The following DNAH5 variants were observed in gnomAD, a reference collection of about 807,000 sequenced individuals.
The protein encoded by DNAH5 is dynein axonemal heavy chain 5.
A neutral mutation model predicts 518.2 loss-of-function variants in DNAH5; 372 were observed. The observed-to-expected ratio is 0.72, with a 90% CI of 0.66 to 0.78. The LOEUF is 0.78. Ranked by LOEUF, DNAH5 falls within the 30% of genes least tolerant of loss-of-function variation. The pLI is 0.00. For missense variants in DNAH5, 5,523 were observed against 5,687.0 expected (o/e 0.97, Z 0.93); for synonymous variants, 2,039 against 2,025.9 (o/e 1.01, Z -0.17).
chr5:13,948,995 A>G (rs1780151742), upstream of DNAH5, among the ~76,000 whole-genome samples: 1 of 152,188 alleles, frequency 6.6e-6, no homozygotes, highest in Non-Finnish European at 1.5e-5. Flanking sequence ...GGAAGGAATG[A>G]GAAAGAACAG....
At chr5:13,945,995 C>G (rs992923762), upstream of DNAH5, among the ~76,000 whole-genome samples, 20 of 152,182 alleles carry the variant, frequency 1.3e-4, no homozygotes, top group African/African-American at 4.6e-4. Context: ...TATCTAGACT[C>G]TGAGTCCCTT....
chr5:13,700,817 C>T lies in DNAH5; in HGVS notation c.13546G>A (p.Glu4516Lys), dbSNP rs866204172. 1 of 1,614,142 alleles carries T rather than the reference C, an allele frequency of 6.2e-7. No individual in the cohort carries two copies. Among genetic ancestry groups the T allele is most frequent in the South Asian group, 1.1e-5 (1 of 91,080 alleles). Residue 4516 changes from glutamate to lysine, a missense_variant, in exon 78 of 79, where the codon GAA becomes AAA. Coordinates refer to ENST00000265104, the MANE Select transcript of DNAH5 (RefSeq NM_001369.3). ...WALDNMVLCN[E>K]VTKWMKDDIS... ...TCGTCCTTCATCCATTTGGTGACTTCATTGCAAAGCACCATATTGTCCAGA... is the reference window on the plus strand; with the variant it reads ...TCGTCCTTCATCCATTTGGTGACTTTATTGCAAAGCACCATATTGTCCAGA...
chr5:13,827,880 C>T lies in DNAH5; in HGVS notation c.6444+1630G>A, dbSNP rs549932104. 5.3e-5 allele frequency among the ~76,000 whole-genome samples: 8 copies of T among 152,160 alleles called. No homozygotes were observed. In the East Asian group the frequency reaches 1.5e-3, roughly 29 times the overall value. ...CTGACGGTTTTATAAGGGGCTTTTC[C>T]CCCTCTTCACTCAACACTTCTCCTT... On this transcript the variant is annotated intron_variant, in intron 38 of 78. Coordinates refer to ENST00000265104, the MANE Select transcript of DNAH5 (RefSeq NM_001369.3).
In DNAH5 at chr5:13,781,163, G is replaced by A. The variant is rs60209449; in HGVS notation, c.8821-204C>T. On this transcript the variant is annotated intron_variant, in intron 52 of 78. Coordinates refer to ENST00000265104, the MANE Select transcript of DNAH5 (RefSeq NM_001369.3). Reference sequence around the variant, plus strand: ...GGCTGCATCAGACGGGGTGGGAACCGTGGGGTGTGCCTTTAGGAAGTAGGA... The same window carrying A: ...GGCTGCATCAGACGGGGTGGGAACCATGGGGTGTGCCTTTAGGAAGTAGGA... Among the ~76,000 whole-genome samples the A allele has an allele frequency of 9.2e-4, 140 of 152,252 alleles. 1 individual carries two copies. In the East Asian group the frequency reaches 0.022, roughly 24 times the overall value.
intron 69 of DNAH5, among the ~76,000 whole-genome samples, chr5:13,728,565 G>A (rs898857837): frequency 2.6e-5 from 4 of 152,118 alleles, no homozygotes; most frequent in Non-Finnish European, 5.9e-5. Flanking sequence ...AAGGCCACTG[G>A]GGGTAATCCT....
chr5:13,841,004 T>C lies in DNAH5; in HGVS notation c.5611A>G (p.Ile1871Val). The change falls in exon 34 of 79, where the codon ATA (isoleucine) becomes GTA (valine). Residue 1871 changes from isoleucine to valine, a missense_variant. Physicochemically the swap from Ile to Val is conservative, Grantham distance 29. Transcript: ENST00000265104. ...CTCAGATCCCTCGTGGTGACGTCTA[T>C]CAATGTATTGAGTAGCTCCAGGAAA... ...QAFLELLNTL[I>V]DVTTRDLSST... The C allele has an allele frequency of 6.2e-7, 1 of 1,614,186 alleles. No individual in the cohort carries two copies. The highest frequency in any genetic ancestry group is 8.5e-7 in the Non-Finnish European group (1 of 1,180,010).
intron 38 of DNAH5, among the ~76,000 whole-genome samples, chr5:13,827,302 A>G (rs1375705766): frequency 1.3e-5 from 2 of 151,834 alleles, no homozygotes; most frequent in Non-Finnish European, 2.9e-5. Flanking sequence ...TTGAATGTTA[A>G]TCACCAAGAC....
At chr5:13,760,278 A>C (rs1165150250) in intron 60 of DNAH5, among the ~76,000 whole-genome samples, 1 of 152,234 alleles carries the variant, frequency 6.6e-6, no homozygotes, top group Non-Finnish European at 1.5e-5. Context: ...AAAATCCTTC[A>C]AACCCAATTA....
At chr5:13,950,914 C>T (rs1212742324) in intron 1 of DNAH5, among the ~76,000 whole-genome samples, 2 of 152,052 alleles carry the variant, frequency 1.3e-5, no homozygotes, top group African/African-American at 4.8e-5. Flanking sequence ...GGACAACCAA[C>T]AGCTTGGGAA....
rs779510008 is a variant in DNAH5 at position 13,864,575 on chromosome 5, A to G, written c.4418T>C (p.Ile1473Thr). 6.8e-6 allele frequency: 11 copies of G among 1,614,016 alleles called. No individual in the cohort carries two copies. Among genetic ancestry groups the G allele is most frequent in the African/African-American group, 1.3e-5 (1 of 74,920 alleles). The change falls in exon 28 of 79, where the codon ATT (isoleucine) becomes ACT (threonine). Residue 1473 changes from isoleucine to threonine, a missense_variant. This residue lies in a region of DNAH5 where 5,121 missense variants were observed against 5,223.3 expected (regional missense o/e 0.98). Transcript: ENST00000265104. ...WQAFLDLKKI[I>T]DDFSECCPLL... Reference sequence around the variant, plus strand: ...CGGGCAACACTCGCTGAAATCATCAATGATCTTCTTCAGGTCCAAAAAAGC... The same window carrying G: ...CGGGCAACACTCGCTGAAATCATCAGTGATCTTCTTCAGGTCCAAAAAAGC...
intron 29 of DNAH5, chr5:13,860,481 C>T (rs1768251423): frequency 6.6e-6 from 1 of 152,276 alleles, no homozygotes; most frequent in South Asian, 2.1e-4. Context: ...GTGGCCCTGG[C>T]ATTGGGATTT....
At chr5:13,763,421 T>C (rs1255190452) in intron 59 of DNAH5, among the ~76,000 whole-genome samples, 2 of 152,208 alleles carry the variant, frequency 1.3e-5, no homozygotes, top group African/African-American at 2.4e-5. Context: ...ACATTAGGCT[T>C]TGAGGGTGAT....
In DNAH5 at chr5:13,981,940, G is replaced by A. The variant is rs115386919; in HGVS notation, c.12+29708C>T. 2.4e-3 allele frequency among the ~76,000 whole-genome samples: 358 copies of A among 152,296 alleles called. 4 individuals carry two copies. Among genetic ancestry groups the A allele is most frequent in the African/African-American group, 8.0e-3 (332 of 41,552 alleles). ...TCTAATCATAACTGAAACACAAGGC[G>A]TAAGCTTTACATCCTTGTCAGCACG... On this transcript the variant is annotated intron_variant, in intron 1 of 78. Transcript: ENST00000681290.
intron 1 of DNAH5, among the ~76,000 whole-genome samples, chr5:13,962,159 C>T (rs1263613564): frequency 1.3e-5 from 2 of 152,150 alleles, no homozygotes; most frequent in African/African-American, 4.8e-5. Context: ...CTTCCTCATG[C>T]TGCTTTGTGG....
At chr5:13,950,093 A>G (rs776403517) in intron 1 of DNAH5, among the ~76,000 whole-genome samples, 1 of 152,240 alleles carries the variant, frequency 6.6e-6, no homozygotes, top group Non-Finnish European at 1.5e-5. Flanking sequence ...TGATTTCTAC[A>G]TGTACTATCT....
chr5:13,710,860 T>C (rs558738080), intron 75 of DNAH5, among the ~76,000 whole-genome samples: 1 of 152,096 alleles, frequency 6.6e-6, no homozygotes, highest in Admixed American at 6.5e-5. Context: ...GGCAGTGAGA[T>C]TGAAATGGTA....
intron 47 of DNAH5, among the ~76,000 whole-genome samples, chr5:13,803,692 T>C (rs548092815): frequency 2.3e-3 from 351 of 152,348 alleles, no homozygotes; most frequent in African/African-American, 8.2e-3. Flanking sequence ...GTCTTCAAAC[T>C]GTGCTCTGAG....
rs966994835 is a variant in DNAH5, at chr5:13,884,856, A to T, written c.2983+133T>A. 4.9e-5 allele frequency: 68 copies of T among 1,377,146 alleles called. No homozygotes were observed. The African/African-American group carries it at 9.8e-4, about 20-fold the overall frequency. 85.3% of individuals were successfully genotyped at this position (1,377,146 alleles called of 1,614,324 possible). ...ATCTCAAAAAATAAAAATTTAAAAA[A>T]AGATGAATATTTTTAATTATTTAAA... On this transcript the variant is annotated intron_variant, in intron 19 of 78. Coordinates refer to ENST00000265104, the MANE Select transcript of DNAH5 (RefSeq NM_001369.3).
Position 13,931,105 on chromosome 5 carries a change from C to T in DNAH5, c.192+5G>A. On this transcript the variant is annotated splice_donor_5th_base_variant and intron_variant, in intron 2 of 78. Coordinates refer to ENST00000265104, the MANE Select transcript of DNAH5 (RefSeq NM_001369.3). ...CAAGTCAGTGAGAAGTGAAACGCATCCCACCTGATTCCCTTCAAGAATGGC... is the reference window on the plus strand; with the variant it reads ...CAAGTCAGTGAGAAGTGAAACGCATTCCACCTGATTCCCTTCAAGAATGGC... 1 of 1,614,062 alleles carries T rather than the reference C, an allele frequency of 6.2e-7. No homozygotes were observed. The highest frequency in any genetic ancestry group is 1.1e-5 in the South Asian group (1 of 91,074).
Sources: allele counts gnomAD v4.1 joint callset (sites outside exome capture counted in the v4.1 genomes callset), GRCh38; gene constraint gnomAD v4.1.1; regional missense constraint gnomAD v4.1.1; transcripts MANE v1.5; gene names NCBI Gene and HGNC (gene_info 2026-07-23, HGNC 2026-07-21).